PIK3C2G: variants seen among roughly 807,000 people sequenced by gnomAD.
PIK3C2G encodes the protein phosphatidylinositol 3-kinase C2 domain-containing subunit gamma.
PIK3C2G carries 168 observed loss-of-function variants against 181.1 expected under a neutral mutation model. The ratio of observed to expected loss-of-function variants is 0.93; its 90% confidence interval spans 0.82 to 1.05. PIK3C2G has a LOEUF of 1.05. PIK3C2G is among the 50% of genes least tolerant of loss of function. The pLI is 0.00. For synonymous variants in PIK3C2G, 573 were observed against 592.2 expected, an observed-to-expected ratio of 0.97 and a Z score of 0.47; for missense variants, 1,869 against 1,732.8, an observed-to-expected ratio of 1.08 and a Z score of -1.40.
chr12:18,530,924 G>A (rs536207306), intron 24 of PIK3C2G, among the ~76,000 whole-genome samples: 10 of 152,046 alleles, frequency 6.6e-5, no homozygotes, highest in East Asian at 1.9e-4. Context: ...TCCCAGTCTC[G>A]GGTATTTCTT....
At chr12:18,332,782 C>T (rs1187636214) in intron 8 of PIK3C2G, among the ~76,000 whole-genome samples, 4 of 152,098 alleles carry the variant, frequency 2.6e-5, no homozygotes, top group African/African-American at 4.8e-5. Context: ...TAGAGTTTTG[C>T]TTCTTATGCA....
At chr12:18,270,811 T>C (rs951652997) in intron 1 of PIK3C2G, among the ~76,000 whole-genome samples, 11 of 152,154 alleles carry the variant, frequency 7.2e-5, no homozygotes, top group Non-Finnish European at 1.5e-5. Flanking sequence ...TTAAAATATA[T>C]AAATTTTAAA....
intron 11 of PIK3C2G, among the ~76,000 whole-genome samples, chr12:18,352,032 C>A (rs1450934892): frequency 6.6e-6 from 1 of 152,070 alleles, no homozygotes; most frequent in African/African-American, 2.4e-5. Flanking sequence ...CACAATATAT[C>A]CCTTTGTTTT....
intron 18 of PIK3C2G, among the ~76,000 whole-genome samples, chr12:18,448,821 CAT>C (rs1463587922): frequency 6.6e-6 from 1 of 151,044 alleles, no homozygotes; most frequent in Non-Finnish European, 1.5e-5. Flanking sequence ...TATACACACA[CAT>C]ATATATATAA....
chr12:18,342,404 C>T (rs11044034), intron 9 of PIK3C2G, among the ~76,000 whole-genome samples: 22,082 of 151,794 alleles, frequency 0.15, 1,694 homozygotes, highest in South Asian at 0.31. Flanking sequence ...TTTTTTGTTA[C>T]GGAAAAACAA....
intron 32 of PIK3C2G, among the ~76,000 whole-genome samples, chr12:18,641,563 CTTCA>C (rs1239039448): frequency 1.3e-5 from 2 of 151,842 alleles, no homozygotes; most frequent in Non-Finnish European, 2.9e-5. Flanking sequence ...TCTCATTTTC[CTTCA>C]TTGTTATTCT....
chr12:18,550,129 T>A (rs1944647079), intron 26 of PIK3C2G, among the ~76,000 whole-genome samples: 1 of 152,088 alleles, frequency 6.6e-6, no homozygotes, highest in African/African-American at 2.4e-5. Flanking sequence ...GCACTGAGGA[T>A]CTTTTCTATC....
intron 26 of PIK3C2G, among the ~76,000 whole-genome samples, chr12:18,552,482 A>G (rs908284016): frequency 3.3e-5 from 5 of 152,118 alleles, no homozygotes; most frequent in African/African-American, 9.7e-5. Flanking sequence ...TAGCTTAACA[A>G]TTGATACCTA....
intron 24 of PIK3C2G, among the ~76,000 whole-genome samples, chr12:18,510,220 C>T (rs1238326616): frequency 1.3e-5 from 2 of 152,158 alleles, no homozygotes; most frequent in African/African-American, 2.4e-5. Context: ...ATTTGGACCT[C>T]GGCCCAAAAT....
the PIK3C2G span, among the ~76,000 whole-genome samples, chr12:18,712,346 C>T: frequency 1.3e-5 from 2 of 152,074 alleles, no homozygotes; most frequent in South Asian, 2.1e-4. Context: ...ATAACTATAT[C>T]GTTGAATCTG....
intron 24 of PIK3C2G, among the ~76,000 whole-genome samples, chr12:18,510,370 G>T (rs970959263): frequency 6.6e-6 from 1 of 152,178 alleles, no homozygotes; most frequent in African/African-American, 2.4e-5. Context: ...GATTTCTACA[G>T]AGTGATTTTT....
chr12:18,684,299 G>T, the PIK3C2G span: 1 of 1,585,884 alleles, frequency 6.3e-7, no homozygotes. Flanking sequence ...AAAAAAAGAA[G>T]ATACAAAGAA....
chr12:18,664,078 CA>C, the PIK3C2G span, among the ~76,000 whole-genome samples: 1 of 152,104 alleles, frequency 6.6e-6, no homozygotes, highest in Non-Finnish European at 1.5e-5. Flanking sequence ...TGGCTACTAT[CA>C]AAAACCAAAC....
intron 31 of PIK3C2G, among the ~76,000 whole-genome samples, chr12:18,638,016 A>G (rs1413975391): frequency 5.3e-5 from 8 of 152,138 alleles, no homozygotes; most frequent in Non-Finnish European, 1.0e-4. Flanking sequence ...TCTTTCTACC[A>G]TTATTTCACA....
chr12:18,390,866 C>A (rs908656111), intron 14 of PIK3C2G, among the ~76,000 whole-genome samples: 1 of 152,088 alleles, frequency 6.6e-6, no homozygotes, highest in African/African-American at 2.4e-5. Flanking sequence ...TTATTTCTCT[C>A]ATTTTCCCTC....
At chr12:18,371,395 T>G in intron 13 of PIK3C2G, 84 bp downstream of exon 13, 1 of 1,122,438 alleles carries the variant, frequency 8.9e-7, no homozygotes, top group East Asian at 2.6e-5. Flanking sequence ...TATGGCATAA[T>G]GAGGAAATCA....
chr12:18,398,204 T>G (rs948162185), intron 15 of PIK3C2G, among the ~76,000 whole-genome samples: 2 of 152,112 alleles, frequency 1.3e-5, no homozygotes, highest in African/African-American at 4.8e-5. Context: ...GAACTGAAGC[T>G]GCGGAATGTC....
At chr12:18,656,837 GCAA>G in the PIK3C2G span, among the ~76,000 whole-genome samples, 61 of 152,212 alleles carry the variant, frequency 4.0e-4, no homozygotes, top group East Asian at 0.012. Context: ...ATCAAATTTT[GCAA>G]CAACAAAATG....
intron 32 of PIK3C2G, among the ~76,000 whole-genome samples, chr12:18,643,183 T>C (rs947675008): frequency 6.6e-6 from 1 of 152,218 alleles, no homozygotes; most frequent in Non-Finnish European, 1.5e-5. Flanking sequence ...AATTATTTTA[T>C]AATTCTTGCT....
Sources: gnomAD v4.1 joint callset for allele counts (sites outside exome capture counted in the v4.1 genomes callset) on GRCh38, gnomAD v4.1.1 for gene constraint, MANE v1.5 for transcripts, NCBI Gene and HGNC (gene_info 2026-07-23, HGNC 2026-07-21) for gene names.